Variants in STX3 observed in about 807,000 individuals in gnomAD.
STX3 encodes the protein syntaxin-3.
A neutral mutation model predicts 40.2 loss-of-function variants in STX3; 19 were observed. That is an observed-to-expected ratio of 0.47 (90% CI 0.33 to 0.69). STX3 has a LOEUF of 0.69. STX3 is among the 30% of genes least tolerant of loss of function. The pLI, the probability that STX3 is intolerant of heterozygous loss-of-function variation, is 0.02. For synonymous variants in STX3, 122 were observed against 132.2 expected, an observed-to-expected ratio of 0.92 and a Z score of 0.53; for missense variants, 364 against 366.7, an observed-to-expected ratio of 0.99 and a Z score of 0.06.
rs1565157602 is a variant in STX3 at position 59,755,653 on chromosome 11, C to T, written c.30+18C>T. 6.3e-7 allele frequency: 1 copy of T among 1,590,986 alleles called. No homozygotes were observed. Among genetic ancestry groups the T allele is most frequent in the Admixed American group, 1.7e-5 (1 of 59,350 alleles). On this transcript the variant is annotated intron_variant, in intron 1 of 10. Coordinates refer to ENST00000337979, the MANE Select transcript of STX3 (RefSeq NM_004177.5). ...TGAAGGCCGTGAGTTTCGCCGCAGG[C>T]GGGGTGCTGCCAGGAGGGGTGCTGC...
At position 59,792,167 on chromosome 11, in the gene STX3, G is replaced by C; in HGVS notation, c.418G>C (p.Asp140His). 3.7e-6 allele frequency: 6 copies of C among 1,614,112 alleles called. No homozygotes were observed. Among genetic ancestry groups the C allele is most frequent in the Non-Finnish European group, 5.1e-6 (6 of 1,180,032 alleles). The stretch of plus-strand genomic sequence containing the variant: ...GACCAAATACAATGAAGCTCAAGTG[G>C]ACTTCCGAGAACGCAGCAAAGGGCG... The part of the protein sequence containing the change: ...VMTKYNEAQV[D>H]FRERSKGRIQ... The change falls in exon 6 of 11, where the codon GAC (aspartate) becomes CAC (histidine). Residue 140 changes from aspartate to histidine, a missense_variant. By Grantham distance (81) the Asp-to-His change is moderately conservative (BLOSUM62 -1). Transcript: ENST00000337979.
At position 59,801,796 on chromosome 11, in the gene STX3, A is replaced by G. The variant is rs1865896923; in HGVS notation, c.*972A>G. The G allele has an allele frequency of 1.0e-6, 1 of 985,694 alleles. No homozygotes were observed. The allele number at this position is 985,694 out of a possible 1,614,324, so 61.1% of individuals were successfully genotyped here. On this transcript the variant is annotated 3_prime_UTR_variant, in exon 11 of 11. Transcript: ENST00000337979. ...AGTGTGTGTGTCTCAGGAAGTAGGA[A>G]ATAAAAATGGAAGCTATTATGACCT...
chr11:59,799,520 A>G (rs1356634702), intron 10 of STX3, among the ~76,000 whole-genome samples: 1 of 152,230 alleles, frequency 6.6e-6, no homozygotes, highest in African/African-American at 2.4e-5. Flanking sequence ...CAGTGTGACT[A>G]ACCTTATTTA....
chr11:59,793,596 G>A, intron 8 of STX3, 82 bp downstream of exon 8: 10 of 1,516,796 alleles, frequency 6.6e-6, no homozygotes, highest in Non-Finnish European at 8.9e-6. Flanking sequence ...AGGGAATACT[G>A]GAAGCCAGTG....
In STX3 at chr11:59,793,499, G is replaced by T. The variant is rs1303660076; in HGVS notation, c.660G>T (p.Met220Ile). 1.2e-6 allele frequency: 2 copies of T among 1,613,628 alleles called. No individual in the cohort carries two copies. Among genetic ancestry groups the T allele is most frequent in the Non-Finnish European group, 1.7e-6 (2 of 1,179,688 alleles). Residue 220 changes from methionine to isoleucine, a missense_variant, in exon 8 of 11, where the codon ATG (methionine) becomes ATT (isoleucine). Physicochemically the swap from Met to Ile is conservative, Grantham distance 10. Coordinates refer to ENST00000337979, the MANE Select transcript of STX3 (RefSeq NM_004177.5). ...ACGACATGTTTATGGACATCGCCAT[G>T]CTGGTGGAGAATCAGGTAAGTGGCA... ...ELHDMFMDIAMLVENQGEMLD... is the reference protein window; with the variant it reads ...ELHDMFMDIAILVENQGEMLD...
chr11:59,765,673 G>A (rs1863245854), intron 1 of STX3, among the ~76,000 whole-genome samples: 1 of 152,080 alleles, frequency 6.6e-6, no homozygotes, highest in South Asian at 2.1e-4. Context: ...GTGTGGTGGT[G>A]TGCGCCTGTA....
intron 9 of STX3, 58 bp downstream of exon 9, chr11:59,795,540 T>C: frequency 6.4e-7 from 1 of 1,560,138 alleles, no homozygotes; most frequent in Non-Finnish European, 8.7e-7. Flanking sequence ...TGTGTCTCGC[T>C]CTTTCTCTTC....
chr11:59,787,725 G>T (rs1005544397), intron 3 of STX3, among the ~76,000 whole-genome samples: 1 of 152,166 alleles, frequency 6.6e-6, no homozygotes, highest in African/African-American at 2.4e-5. Flanking sequence ...TAACACTAAC[G>T]ATAGCTGAAG....
chr11:59,797,906 T>C (rs1394790699), intron 10 of STX3, among the ~76,000 whole-genome samples: 1 of 152,272 alleles, frequency 6.6e-6, no homozygotes, highest in Non-Finnish European at 1.5e-5. Context: ...TTGAGTGTTG[T>C]GTTGTACCAG....
intron 3 of STX3, among the ~76,000 whole-genome samples, chr11:59,788,031 A>G (rs536509323): frequency 1.8e-4 from 28 of 152,274 alleles, no homozygotes; most frequent in Non-Finnish European, 3.4e-4. Flanking sequence ...CCCACGCTTC[A>G]GCCAGAGCAA....
chr11:59,778,297 GA>G (rs1864113775), intron 2 of STX3, among the ~76,000 whole-genome samples: 1 of 152,124 alleles, frequency 6.6e-6, no homozygotes, highest in Non-Finnish European at 1.5e-5. Flanking sequence ...GGTGCAGCTA[GA>G]AAAGTCCAAA....
intron 2 of STX3, 134 bp downstream of exon 2, chr11:59,773,428 CAAAG>C (rs768878244): frequency 2.6e-5 from 19 of 724,212 alleles, no homozygotes; most frequent in Non-Finnish European, 3.9e-5. Context: ...GATGGCCAGA[CAAAG>C]AAATTAAAAT....
chr11:59,785,168 A>G (rs1293610271), intron 2 of STX3, among the ~76,000 whole-genome samples: 1 of 152,194 alleles, frequency 6.6e-6, no homozygotes, highest in Non-Finnish European at 1.5e-5. Flanking sequence ...ATTACATTGT[A>G]ATTTTATTCT....
rs561809760 is a variant in STX3 at position 59,800,893 on chromosome 11, C to G, written c.*69C>G. 5 of 1,536,302 alleles carry G rather than the reference C, an allele frequency of 3.3e-6. No homozygotes were observed. In the South Asian group the frequency reaches 4.8e-5, roughly 15 times the overall value. ...TCCAGACTGGTGTGGCCACCCTTGTCTTCAGATGAGAATGGAGTCTGAATG... is the reference window on the plus strand; with the variant it reads ...TCCAGACTGGTGTGGCCACCCTTGTGTTCAGATGAGAATGGAGTCTGAATG... On this transcript the variant is annotated 3_prime_UTR_variant, in exon 11 of 11. Transcript: ENST00000337979.
At chr11:59,769,274 G>T (rs963516119) in intron 1 of STX3, among the ~76,000 whole-genome samples, 1 of 152,168 alleles carries the variant, frequency 6.6e-6, no homozygotes, top group Non-Finnish European at 1.5e-5. Context: ...GGAGGAGGAG[G>T]AGGAGGAGGA....
intron 8 of STX3, among the ~76,000 whole-genome samples, chr11:59,793,799 G>T (rs983199231): frequency 6.6e-6 from 1 of 151,568 alleles, no homozygotes; most frequent in African/African-American, 2.4e-5. Context: ...AGTTTTCCTG[G>T]ATTTTTGATT....
chr11:59,804,832 G>T lies in STX3; in HGVS notation c.*4008G>T, dbSNP rs1866017169. ...TGTCAAGTGAGAAAGGTGAAATGAG[G>T]TTATCACTCACTTCACCTCTCACCT... is the stretch of plus-strand genomic sequence containing the variant. On this transcript the variant is annotated 3_prime_UTR_variant, in exon 11 of 11. Transcript: ENST00000337979. 3 of 152,166 alleles carry T rather than the reference G, an allele frequency of 2.0e-5. No homozygotes were observed. The highest frequency in any genetic ancestry group is 4.4e-5 in the Non-Finnish European group (3 of 68,044). The allele number at this position is 152,166 out of a possible 1,614,324, so 9.4% of individuals were successfully genotyped here. A position where few individuals can be genotyped will look rare whatever the true frequency, so the allele number is the denominator to read the frequency against.
At chr11:59,796,814 AT>A (rs1247391435) in intron 9 of STX3, among the ~76,000 whole-genome samples, 1 of 152,140 alleles carries the variant, frequency 6.6e-6, no homozygotes, top group African/African-American at 2.4e-5. Flanking sequence ...AATTTAAGAA[AT>A]TTAAACTGTC....
chr11:59,795,832 C>T, intron 9 of STX3: 1 of 829,642 alleles, frequency 1.2e-6, no homozygotes, highest in South Asian at 1.6e-5. Context: ...GCCTCATCAA[C>T]CCCTCCCTCA....
Sources: gnomAD v4.1 joint callset for allele counts (sites outside exome capture counted in the v4.1 genomes callset) on GRCh38, gnomAD v4.1.1 for gene constraint, MANE v1.5 for transcripts, NCBI Gene and HGNC (gene_info 2026-07-23, HGNC 2026-07-21) for gene names.